The following SLC22A6 variants were observed in gnomAD, a reference collection of about 807,000 sequenced individuals.
SLC22A6 encodes PAH transporter.
Under a neutral mutation model 56.7 loss-of-function variants are expected in SLC22A6, and 45 were observed. The observed-to-expected ratio is 0.79, with a 90% CI of 0.63 to 1.02. SLC22A6 has a LOEUF of 1.02. SLC22A6 is among the 50% of genes least tolerant of loss of function. The pLI is 0.00. For synonymous variants in SLC22A6, 291 were observed against 295.9 expected (o/e 0.98, Z 0.17); for missense variants, 606 against 713.8 (o/e 0.85, Z 1.72).
chr11:62,977,082 C>A (rs72480416), intron 9 of SLC22A6, 102 bp downstream of exon 9: 3 of 1,599,572 alleles, frequency 1.9e-6, no homozygotes, highest in Non-Finnish European at 2.6e-6. Context: ...GGACACAGAG[C>A]TTTGGGCTAG....
chr11:62,982,948 G>A (rs1253216621), intron 3 of SLC22A6, among the ~76,000 whole-genome samples: 2 of 152,122 alleles, frequency 1.3e-5, no homozygotes, highest in Non-Finnish European at 2.9e-5. Flanking sequence ...GGATGAAGGT[G>A]TCTCTCCTTT....
At chr11:62,980,881 G>A in intron 6 of SLC22A6, 104 bp downstream of exon 6, 1 of 909,620 alleles carries the variant, frequency 1.1e-6, no homozygotes, top group Non-Finnish European at 1.7e-6. Context: ...CTCACAGCAG[G>A]TCTGCTGACC....
intron 8 of SLC22A6, among the ~76,000 whole-genome samples, chr11:62,978,765 T>C (rs2086219014): frequency 6.6e-6 from 1 of 152,136 alleles, no homozygotes; most frequent in African/African-American, 2.4e-5. Flanking sequence ...CTAATTTTTG[T>C]ATTTTTAGTA....
chr11:62,980,572 G>C (rs1175924370), intron 6 of SLC22A6, among the ~76,000 whole-genome samples: 2 of 152,230 alleles, frequency 1.3e-5, no homozygotes, highest in African/African-American at 2.4e-5. Context: ...TTTGGCCTTG[G>C]CCAAAGTGTT....
At chr11:62,977,540 A>G (rs2086204754) in intron 8 of SLC22A6, among the ~76,000 whole-genome samples, 153 bp from the exon 9 acceptor site, 1 of 146,320 alleles carries the variant, frequency 6.8e-6, no homozygotes, top group Admixed American at 6.8e-5. Context: ...CAATTTGGCG[A>G]TTTTTTTTTT....
intron 3 of SLC22A6, among the ~76,000 whole-genome samples, chr11:62,982,544 G>A (rs2086267876): frequency 6.6e-6 from 1 of 152,196 alleles, no homozygotes; most frequent in African/African-American, 2.4e-5. Context: ...TTGGGGGTTG[G>A]ATTTCTTAGG....
At position 62,977,378 on chromosome 11, in the gene SLC22A6, G is replaced by T; in HGVS notation, c.1371C>A (p.Gly457=). The T allele has an allele frequency of 6.2e-7, 1 of 1,609,100 alleles. No individual in the cohort carries two copies. The change falls in exon 9 of 10, where the codon GGC becomes GGA. Residue 457 remains glycine (G), a synonymous_variant. Coordinates refer to ENST00000360421, the MANE Select transcript of SLC22A6 (RefSeq NM_153276.3). ...ELYPTMIRQT[G]MGMGSTMARV... is the part of the protein sequence containing the mutation. ...GGGCCATGGTGCTGCCCATTCCCAT[G>T]CCTGTCTGCCTGCAGGGCCCGCAGC... is the stretch of plus-strand genomic sequence containing the variant.
At chr11:62,980,625 T>C (rs2086241921) in intron 6 of SLC22A6, among the ~76,000 whole-genome samples, 1 of 152,248 alleles carries the variant, frequency 6.6e-6, no homozygotes, top group Non-Finnish European at 1.5e-5. Flanking sequence ...TGTGCCTGTG[T>C]TTCTGGCAGG....
intron 1 of SLC22A6, 49 bp downstream of exon 1, chr11:62,984,272 GC>G: frequency 6.4e-7 from 1 of 1,552,530 alleles, no homozygotes. Context: ...TTTAACAAAG[GC>G]CCCCATCTTC....
Position 62,981,399 on chromosome 11 carries a change from G to T in SLC22A6, c.798-16C>A. Reference sequence around the variant, plus strand: ...AATGAAGAACCTGGGAGCGGGGGTGGGGGTGGGTGTCAGCATGGCTTCAGT... The same window carrying T: ...AATGAAGAACCTGGGAGCGGGGGTGTGGGTGGGTGTCAGCATGGCTTCAGT... On this transcript the variant is annotated splice_polypyrimidine_tract_variant and intron_variant, in intron 4 of 9. Coordinates refer to ENST00000360421, the MANE Select transcript of SLC22A6 (RefSeq NM_153276.3). 3.4e-6 allele frequency: 5 copies of T among 1,479,202 alleles called. No homozygotes were observed. Among genetic ancestry groups the T allele is most frequent in the East Asian group, 2.4e-5 (1 of 40,974 alleles). 91.6% of individuals were successfully genotyped at this position (1,479,202 alleles called of 1,614,324 possible). A position where few individuals can be genotyped will look rare whatever the true frequency, so the allele number is the denominator to read the frequency against.
rs1203011946 is a variant in SLC22A6 at position 62,983,403 on chromosome 11, A to C, written c.628+134T>G. On this transcript the variant is annotated intron_variant, in intron 3 of 9. Coordinates refer to ENST00000360421, the MANE Select transcript of SLC22A6 (RefSeq NM_153276.3). The surrounding 1 kb of genome is among the most constrained non-coding windows in gnomAD (Gnocchi z 4.5). ...CATGAGCCTGAGAAAAGGTTGTTCT[A>C]TTGGCAGGAAGGTGAGACCCGAGAG... The C allele has an allele frequency of 1.0e-5, 9 of 889,028 alleles. No individual in the cohort carries two copies. Among genetic ancestry groups the C allele is most frequent in the Non-Finnish European group, 1.6e-5 (9 of 580,342 alleles). 55.1% of individuals were successfully genotyped at this position (889,028 alleles called of 1,614,324 possible). A position where few individuals can be genotyped will look rare whatever the true frequency, so the allele number is the denominator to read the frequency against.
chr11:62,980,483 C>G (rs1032172627), intron 6 of SLC22A6, among the ~76,000 whole-genome samples: 1 of 152,204 alleles, frequency 6.6e-6, no homozygotes, highest in African/African-American at 2.4e-5. Flanking sequence ...GACTATGTTT[C>G]CCTTAACTGT....
chr11:62,982,078 C>T lies in SLC22A6; in HGVS notation c.629-68G>A. 3 of 1,492,444 alleles carry T rather than the reference C, an allele frequency of 2.0e-6. No homozygotes were observed. In the South Asian group the frequency reaches 3.9e-5, roughly 19 times the overall value. 92.5% of individuals were successfully genotyped at this position (1,492,444 alleles called of 1,614,324 possible). A position where few individuals can be genotyped will look rare whatever the true frequency, so the allele number is the denominator to read the frequency against. On this transcript the variant is annotated intron_variant, in intron 3 of 9. Transcript: ENST00000360421. ...GCTGGGCTAGTAAAGGCCCCTCCCTCCATCCAAACCTTGGCCTGTCCCAAG... is the reference window on the plus strand; with the variant it reads ...GCTGGGCTAGTAAAGGCCCCTCCCTTCATCCAAACCTTGGCCTGTCCCAAG...
intron 9 of SLC22A6, 131 bp from the exon 10 acceptor site, chr11:62,977,012 C>T: frequency 2.7e-6 from 4 of 1,495,056 alleles, no homozygotes; most frequent in Non-Finnish European, 3.7e-6. Context: ...ACCTACTGCT[C>T]CCTGGAGCTG....
chr11:62,982,096 G>T, intron 3 of SLC22A6, 86 bp from the exon 4 acceptor site: 1 of 1,339,368 alleles, frequency 7.5e-7, no homozygotes, highest in Non-Finnish European at 1.0e-6. Context: ...ACCTTGGCCT[G>T]TCCCAAGGCT....
intron 4 of SLC22A6, 36 bp downstream of exon 4, chr11:62,981,806 C>T (rs1252693148): frequency 3.2e-6 from 5 of 1,569,850 alleles, no homozygotes; most frequent in Admixed American, 3.8e-5. Flanking sequence ...CTCTGGGCTC[C>T]TGTGGCAACC....
chr11:62,981,307 C>A lies in SLC22A6; in HGVS notation c.874G>T (p.Ala292Ser), dbSNP rs758520009. 3.7e-6 allele frequency: 6 copies of A among 1,606,076 alleles called. No homozygotes were observed. The highest frequency in any genetic ancestry group is 2.7e-5 in the African/African-American group (2 of 74,826). Residue 292 changes from alanine (A) to serine (S), a missense_variant, in exon 5 of 10, where the codon GCC becomes TCC. Ala to Ser is a moderately conservative substitution (Grantham distance 99, BLOSUM62 1). Coordinates refer to ENST00000360421, the MANE Select transcript of SLC22A6 (RefSeq NM_153276.3). ...DLTLRALQRV[A>S]RINGKREEGA... ...TCTTCCCGCTTCCCATTGATCCGGG[C>A]GACTCTCTGCAGGGCCCTCAGGGTG...
chr11:62,981,913 G>A lies in SLC22A6; in HGVS notation c.726C>T (p.Tyr242=), dbSNP rs757869368. The part of the protein sequence containing the change: ...LGQFLLAGVA[Y]AVPHWRHLQL... Reference sequence around the variant, plus strand: ...GCAGGTGGCGCCAGTGGGGCACAGCGTAGGCCACACCAGCCAGGAGGAACT... The same window carrying A: ...GCAGGTGGCGCCAGTGGGGCACAGCATAGGCCACACCAGCCAGGAGGAACT... The change falls in exon 4 of 10, where the codon TAC becomes TAT. Residue 242 remains tyrosine, a synonymous_variant. Transcript: ENST00000360421. The A allele has an allele frequency of 1.4e-5, 23 of 1,614,000 alleles. No homozygotes were observed. The highest frequency in any genetic ancestry group is 7.7e-5 in the South Asian group (7 of 91,054).
At chr11:62,976,902 G>A (rs1347459052) in intron 9 of SLC22A6, 21 bp from the exon 10 acceptor site, 1 of 1,612,328 alleles carries the variant, frequency 6.2e-7, no homozygotes, top group African/African-American at 1.3e-5. Flanking sequence ...GCAGAAGAAT[G>A]GCACTCTGGG....
Sources: allele counts gnomAD v4.1 joint callset (sites outside exome capture counted in the v4.1 genomes callset), GRCh38; gene constraint gnomAD v4.1.1; non-coding constraint Gnocchi (gnomAD v3.1); transcripts MANE v1.5; gene names NCBI Gene and HGNC (gene_info 2026-07-23, HGNC 2026-07-21).